Variants in OPCML observed in about 807,000 individuals in gnomAD.
OPCML encodes the protein opioid-binding protein/cell adhesion molecule.
OPCML carries 13 observed loss-of-function variants against 37.8 expected under a neutral mutation model. The ratio of observed to expected loss-of-function variants is 0.34; its 90% CI spans 0.22 to 0.55. OPCML has a LOEUF of 0.55. Ranked by LOEUF, OPCML falls within the 20% of genes least tolerant of loss-of-function variation. The pLI is 0.91. For synonymous variants in OPCML, 176 were observed against 168.8 expected, an observed-to-expected ratio of 1.04 and a Z score of -0.33; for missense variants, 341 against 435.6, an observed-to-expected ratio of 0.78 and a Z score of 1.93.
At chr11:133,134,497 G>T (rs1228827415) in intron 1 of OPCML, among the ~76,000 whole-genome samples, 3 of 151,608 alleles carry the variant, frequency 2.0e-5, no homozygotes, top group Non-Finnish European at 3.0e-5. Flanking sequence ...AGCTGCATAT[G>T]GCCCCTGTGC....
intron 3 of OPCML, among the ~76,000 whole-genome samples, chr11:132,648,843 G>C (rs987218362): frequency 2.0e-5 from 3 of 152,206 alleles, no homozygotes; most frequent in Middle Eastern, 3.4e-3. Flanking sequence ...TTCATCCAGA[G>C]TCACATTTTT....
intron 2 of OPCML, among the ~76,000 whole-genome samples, chr11:132,935,561 T>G (rs1393528454): frequency 6.6e-6 from 1 of 152,176 alleles, no homozygotes; most frequent in Non-Finnish European, 1.5e-5. Context: ...TCAAAACCAA[T>G]TTCTAAAAAT....
intron 1 of OPCML, among the ~76,000 whole-genome samples, chr11:133,077,710 T>C (rs1403440723): frequency 2.0e-5 from 3 of 152,162 alleles, no homozygotes; most frequent in Non-Finnish European, 4.4e-5. Context: ...AAGGGATGAA[T>C]ACTTTGTTTC....
At chr11:133,473,633 A>G (rs1947164569) in intron 1 of OPCML, among the ~76,000 whole-genome samples, 1 of 152,124 alleles carries the variant, frequency 6.6e-6, no homozygotes, top group Non-Finnish European at 1.5e-5. Flanking sequence ...CTCTATGCAT[A>G]ATCTTCCCAA....
chr11:133,408,054 C>T (rs995433400), intron 1 of OPCML, among the ~76,000 whole-genome samples: 2 of 152,134 alleles, frequency 1.3e-5, no homozygotes, highest in Non-Finnish European at 2.9e-5. Context: ...TTCTTGAAAG[C>T]CGTGACTTTA....
chr11:133,074,630 G>A (rs968130334), intron 1 of OPCML, among the ~76,000 whole-genome samples: 7 of 152,162 alleles, frequency 4.6e-5, no homozygotes, highest in South Asian at 2.1e-4. Context: ...CCAGCTAGTC[G>A]GGGCTCTTGC....
chr11:133,314,011 G>A (rs1343456308), intron 1 of OPCML, among the ~76,000 whole-genome samples: 7 of 151,720 alleles, frequency 4.6e-5, no homozygotes, highest in South Asian at 2.1e-4. Context: ...CGAGGCGGGC[G>A]GATCACGAGG....
At chr11:132,818,790 G>T (rs1428654376) in intron 2 of OPCML, among the ~76,000 whole-genome samples, 1 of 149,584 alleles carries the variant, frequency 6.7e-6, no homozygotes, top group Non-Finnish European at 1.5e-5. Flanking sequence ...ATATGGGGGA[G>T]GGGGGAGGCA....
At position 132,632,241 on chromosome 11, in the gene OPCML, ATTTTT is replaced by A. The variant is rs67176157; in HGVS notation, c.379+24841_379+24845del. On this transcript the variant is annotated intron_variant, in intron 3 of 7. Transcript: ENST00000524381. Reference sequence around the variant, plus strand: ...GCCTCAGGCATCTTTATTCAAACACATTTTTTTTTTTTTTTTTTTTTTTTGGAGGG... The same window carrying A: ...GCCTCAGGCATCTTTATTCAAACACATTTTTTTTTTTTTTTTTTTGGAGGG... 4.6e-3 allele frequency among the ~76,000 whole-genome samples: 510 copies of A among 111,558 alleles called. 5 individuals carry two copies. The highest frequency in any genetic ancestry group is 0.016 in the African/African-American group (427 of 27,384). 73.2% of individuals were successfully genotyped at this position (111,558 alleles called of 152,430 possible). A position where few individuals can be genotyped will look rare whatever the true frequency, so the allele number is the denominator to read the frequency against.
At chr11:133,066,992 T>G (rs1330608730) in intron 1 of OPCML, 2 of 152,262 alleles carry the variant, frequency 1.3e-5, no homozygotes, top group South Asian at 2.1e-4. Flanking sequence ...GAAGTTGTGT[T>G]GAGATAATAC....
At chr11:132,429,034 GGGATGGATGGATGGATGGAT>G (rs71477763) in intron 7 of OPCML, among the ~76,000 whole-genome samples, 11 of 146,470 alleles carry the variant, frequency 7.5e-5, no homozygotes, top group African/African-American at 2.0e-4. Flanking sequence ...AATGGATGGA[GGGATGGATGGATGGATGGAT>G]GGATGGATGG....
At position 133,026,485 on chromosome 11, in the gene OPCML, G is replaced by A. The variant is rs80013685; in HGVS notation, c.62-83475C>T. On this transcript the variant is annotated intron_variant, in intron 1 of 7. Coordinates refer to ENST00000524381, the MANE Select transcript of OPCML (RefSeq NM_001012393.5). The stretch of plus-strand genomic sequence containing the variant: ...CAACCTCATCCTGAACATCCTCCAC[G>A]CAGTAGGTTTTGTCCTGCTGGCAGC... The A allele has an allele frequency of 1.3e-4, 133 of 985,318 alleles. No homozygotes were observed. The African/African-American group carries it at 2.0e-3, about 15-fold the overall frequency. 61.0% of individuals were successfully genotyped at this position (985,318 alleles called of 1,614,324 possible).
chr11:132,753,621 C>T (rs1470199070), intron 2 of OPCML, among the ~76,000 whole-genome samples: 1 of 152,124 alleles, frequency 6.6e-6, no homozygotes, highest in Non-Finnish European at 1.5e-5. Context: ...CTTACATATA[C>T]ATATCTGCCT....
At chr11:132,822,695 T>A (rs932055961) in intron 2 of OPCML, among the ~76,000 whole-genome samples, 7 of 152,176 alleles carry the variant, frequency 4.6e-5, no homozygotes, top group African/African-American at 1.7e-4. Context: ...TAACATTACT[T>A]GTGATATGCA....
At position 132,952,732 on chromosome 11, in the gene OPCML, C is replaced by T. The variant is rs142293901; in HGVS notation, c.62-9722G>A. Among the ~76,000 whole-genome samples the T allele has an allele frequency of 7.9e-3, 1,205 of 152,244 alleles. 16 individuals carry two copies. The highest frequency in any genetic ancestry group is 0.028 in the African/African-American group (1,148 of 41,528). ...CGATCCTCTGAGTTTGTGTACCCTC[C>T]TCTGTGAGCGGCGTGCATGAGAGCT... On this transcript the variant is annotated intron_variant, in intron 1 of 7. Coordinates refer to ENST00000524381, the MANE Select transcript of OPCML (RefSeq NM_001012393.5).
At chr11:132,745,940 C>A (rs1454384575) in intron 2 of OPCML, among the ~76,000 whole-genome samples, 1 of 152,152 alleles carries the variant, frequency 6.6e-6, no homozygotes, top group Non-Finnish European at 1.5e-5. Flanking sequence ...AACACTGGTG[C>A]CAACTGCCAC....
At chr11:132,479,819 T>A (rs534390575) in intron 4 of OPCML, among the ~76,000 whole-genome samples, 2 of 152,148 alleles carry the variant, frequency 1.3e-5, no homozygotes, top group East Asian at 3.9e-4. Context: ...AGGGTCCTGT[T>A]AGAAGGAAAA....
intron 2 of OPCML, among the ~76,000 whole-genome samples, chr11:132,743,927 G>A (rs960141077): frequency 6.6e-6 from 1 of 152,132 alleles, no homozygotes; most frequent in Non-Finnish European, 1.5e-5. Flanking sequence ...TTAGAAGATT[G>A]TTCTCCCAGG....
At chr11:133,223,510 G>A (rs1939919345) in intron 1 of OPCML, among the ~76,000 whole-genome samples, 1 of 152,158 alleles carries the variant, frequency 6.6e-6, no homozygotes, top group Non-Finnish European at 1.5e-5. Flanking sequence ...AGGGGAGGAG[G>A]AGGCATAGTC....
Sources: gnomAD v4.1 joint callset for allele counts (sites outside exome capture counted in the v4.1 genomes callset) on GRCh38, gnomAD v4.1.1 for gene constraint, MANE v1.5 for transcripts, NCBI Gene and HGNC (gene_info 2026-07-23, HGNC 2026-07-21) for gene names.